Variants in NRG3 observed in about 807,000 individuals in gnomAD.
NRG3 encodes neuregulin 3.
In NRG3, 31 loss-of-function variants were observed where a neutral mutation model predicts 66.9. The observed-to-expected ratio is 0.46, with a 90% CI of 0.35 to 0.63. The LOEUF (loss-of-function observed/expected upper bound fraction) is 0.63. Among genes scored for constraint, NRG3 ranks in the 20% least tolerant of loss-of-function variants. The pLI is 0.00. For synonymous variants in NRG3, 393 were observed against 359.4 expected (o/e 1.09, Z -1.06); for missense variants, 910 against 878.9 (o/e 1.04, Z -0.45).
chr10:82,287,612 T>C (rs1400959863), intron 1 of NRG3, among the ~76,000 whole-genome samples: 2 of 152,118 alleles, frequency 1.3e-5, no homozygotes, highest in Non-Finnish European at 2.9e-5. Flanking sequence ...AATGCTTCTC[T>C]GAGATTTCTA....
intron 2 of NRG3, among the ~76,000 whole-genome samples, chr10:82,616,178 A>G (rs929469822): frequency 6.6e-6 from 1 of 152,170 alleles, no homozygotes; most frequent in Admixed American, 6.5e-5. Flanking sequence ...TGCACTCAAA[A>G]TTAAAATAAT....
chr10:82,109,666 T>G (rs2067268395), intron 1 of NRG3, among the ~76,000 whole-genome samples: 1 of 152,100 alleles, frequency 6.6e-6, no homozygotes, highest in African/African-American at 2.4e-5. Flanking sequence ...TATTTATGTT[T>G]ATACTGTCCA....
intron 1 of NRG3, among the ~76,000 whole-genome samples, chr10:82,351,464 C>T (rs1401612269): frequency 1.3e-5 from 2 of 152,162 alleles, no homozygotes; most frequent in South Asian, 2.1e-4. Flanking sequence ...GGTGGCATCT[C>T]TTTCAAGTTT....
chr10:81,999,836 G>T (rs1315892636), intron 1 of NRG3, among the ~76,000 whole-genome samples: 1 of 152,158 alleles, frequency 6.6e-6, no homozygotes, highest in Admixed American at 6.5e-5. Flanking sequence ...ATTCATGTGA[G>T]TCCAGTGTAG....
intron 2 of NRG3, among the ~76,000 whole-genome samples, chr10:82,363,276 GT>G (rs1184161208): frequency 1.3e-5 from 2 of 152,056 alleles, no homozygotes; most frequent in African/African-American, 4.8e-5. Context: ...CAAATTAGGT[GT>G]TTTTTTCCTA....
At chr10:82,390,121 A>G (rs1361713457) in intron 2 of NRG3, among the ~76,000 whole-genome samples, 1 of 152,156 alleles carries the variant, frequency 6.6e-6, no homozygotes, top group Non-Finnish European at 1.5e-5. Context: ...GTACAAACCT[A>G]TCTGTCCACT....
At chr10:82,502,713 A>G (rs1442804534) in intron 2 of NRG3, among the ~76,000 whole-genome samples, 2 of 152,194 alleles carry the variant, frequency 1.3e-5, no homozygotes, top group Non-Finnish European at 2.9e-5. Context: ...TGTAATAATT[A>G]TCAGTCCTGC....
intron 3 of NRG3, among the ~76,000 whole-genome samples, chr10:82,753,062 AC>A (rs2058938796): frequency 6.6e-6 from 1 of 152,138 alleles, no homozygotes; most frequent in Admixed American, 6.6e-5. Context: ...ACCTTTATAG[AC>A]CTTTGGGTTC....
chr10:82,949,872 C>CAA (rs529741986), intron 4 of NRG3, among the ~76,000 whole-genome samples: 1 of 144,218 alleles, frequency 6.9e-6, no homozygotes, highest in Non-Finnish European at 1.5e-5. Flanking sequence ...AAAACAAAAC[C>CAA]AAAAAAAAAA....
intron 1 of NRG3, among the ~76,000 whole-genome samples, chr10:81,876,795 C>G (rs1463078774): frequency 6.6e-6 from 1 of 152,080 alleles, no homozygotes; most frequent in East Asian, 1.9e-4. Flanking sequence ...AAGGGCTAAA[C>G]TGACCTCCTA....
At chr10:82,334,094 C>T (rs1288134329) in intron 1 of NRG3, among the ~76,000 whole-genome samples, 1 of 140,074 alleles carries the variant, frequency 7.1e-6, no homozygotes, top group Non-Finnish European at 1.5e-5. Flanking sequence ...GGCGTGAACC[C>T]GGAAGGCGGA....
intron 6 of NRG3, among the ~76,000 whole-genome samples, chr10:82,960,042 C>T (rs1346404812): frequency 6.6e-6 from 1 of 152,332 alleles, no homozygotes; most frequent in Admixed American, 6.5e-5. Flanking sequence ...ATCCAGGACA[C>T]ATTCACACCC....
At chr10:82,837,553 T>C (rs1266714626) in intron 3 of NRG3, among the ~76,000 whole-genome samples, 1 of 152,144 alleles carries the variant, frequency 6.6e-6, no homozygotes, top group Non-Finnish European at 1.5e-5. Flanking sequence ...AAGTTAACGA[T>C]CACTACCTGA....
At chr10:82,012,255 C>G (rs940562848) in intron 1 of NRG3, among the ~76,000 whole-genome samples, 1 of 152,150 alleles carries the variant, frequency 6.6e-6, no homozygotes, top group Non-Finnish European at 1.5e-5. Flanking sequence ...TGAGTTGTAC[C>G]TTGGCCCCTT....
rs181451499 is a variant in NRG3 at position 82,166,223 on chromosome 10, T to C, written c.824-192516T>C. ...TTTTAGTAGAGATAGGGTTTCTCCA[T>C]GTTGAGGCTGGTCTCTAACTCCTGA... On this transcript the variant is annotated intron_variant, in intron 1 of 8. Transcript: ENST00000372141. Among the ~76,000 whole-genome samples, 209 of 152,224 alleles carry C rather than the reference T, an allele frequency of 1.4e-3. 1 individual carries two copies. Among genetic ancestry groups the C allele is most frequent in the African/African-American group, 4.8e-3 (198 of 41,580 alleles).
intron 1 of NRG3, among the ~76,000 whole-genome samples, chr10:82,082,617 A>G (rs2065458747): frequency 6.6e-6 from 1 of 152,186 alleles, no homozygotes. Context: ...TATAGGAAAC[A>G]TGAGCCTGAC....
Position 82,565,873 on chromosome 10 carries a change from A to G in NRG3, c.954-172704A>G, listed in dbSNP as rs377475669. On this transcript the variant is annotated intron_variant, in intron 2 of 8. Coordinates refer to ENST00000372141, the MANE Select transcript of NRG3 (RefSeq NM_001010848.4). The stretch of plus-strand genomic sequence containing the variant: ...AAAGAGGAGAAACACAGAAAAATGA[A>G]AACAAAACACGCAGGCTTCTAATGA... Among the ~76,000 whole-genome samples, 80 of 152,212 alleles carry G rather than the reference A, an allele frequency of 5.3e-4. 1 individual carries two copies. The East Asian group carries it at 0.012, about 24-fold the overall frequency.
intron 2 of NRG3, among the ~76,000 whole-genome samples, chr10:82,462,073 G>A (rs1300840901): frequency 1.3e-5 from 2 of 152,148 alleles, no homozygotes; most frequent in Non-Finnish European, 1.5e-5. Context: ...GGAGGTGGCG[G>A]TGAGCTGAGA....
At chr10:82,425,504 A>T (rs1175991939) in intron 2 of NRG3, among the ~76,000 whole-genome samples, 1 of 151,918 alleles carries the variant, frequency 6.6e-6, no homozygotes, top group African/African-American at 2.4e-5. Context: ...CAAATTAATC[A>T]TAGTTATTTT....
Sources: gnomAD v4.1 joint callset for allele counts (sites outside exome capture counted in the v4.1 genomes callset) on GRCh38, gnomAD v4.1.1 for gene constraint, MANE v1.5 for transcripts, NCBI Gene and HGNC (gene_info 2026-07-23, HGNC 2026-07-21) for gene names.